Variants in SPATA22 observed in about 807,000 individuals in gnomAD.
SPATA22 encodes spermatogenesis-associated protein 22.
SPATA22 carries 29 observed loss-of-function variants against 47.8 expected under a neutral mutation model. That is an observed-to-expected ratio of 0.61 (90% CI 0.45 to 0.83). The LOEUF is 0.83. Among genes scored for constraint, SPATA22 ranks in the 40% least tolerant of loss-of-function variants. The pLI is 0.00. For missense variants in SPATA22, 410 were observed against 421.7 expected, an observed-to-expected ratio of 0.97 and a Z score of 0.24; for synonymous variants, 133 against 140.9, an observed-to-expected ratio of 0.94 and a Z score of 0.40.
chr17:3,465,067 G>T (rs1334493480), intron 3 of SPATA22, among the ~76,000 whole-genome samples: 2 of 96,202 alleles, frequency 2.1e-5, no homozygotes, highest in African/African-American at 7.7e-5. Context: ...GGAGGGAGGT[G>T]GGGGGTCAGC....
chr17:3,461,074 A>C (rs995439199), intron 5 of SPATA22, among the ~76,000 whole-genome samples: 3 of 152,224 alleles, frequency 2.0e-5, no homozygotes, highest in Non-Finnish European at 4.4e-5. Context: ...ATGCCCCAAG[A>C]AAGTATAGAC....
intron 1 of SPATA22, among the ~76,000 whole-genome samples, chr17:3,477,745 C>T (rs1006746903): frequency 2.4e-4 from 37 of 152,196 alleles, no homozygotes; most frequent in African/African-American, 8.4e-4. Context: ...TGAGCCACCG[C>T]GCTGGGCCGC....
At chr17:3,508,833 T>C (rs1260777592) in intron 1 of SPATA22, among the ~76,000 whole-genome samples, 1 of 140,662 alleles carries the variant, frequency 7.1e-6, no homozygotes, top group Non-Finnish European at 1.5e-5. Context: ...CGCACCAGCA[T>C]GGCACATGTA....
chr17:3,491,668 A>C (rs1448390144), intron 1 of SPATA22, among the ~76,000 whole-genome samples: 7 of 152,016 alleles, frequency 4.6e-5, no homozygotes, highest in Non-Finnish European at 1.0e-4. Context: ...GAATCGCTTG[A>C]ACCAAGGAGG....
intron 3 of SPATA22, among the ~76,000 whole-genome samples, chr17:3,465,826 T>C (rs535166987): frequency 1.3e-5 from 2 of 151,628 alleles, no homozygotes; most frequent in East Asian, 1.9e-4. Flanking sequence ...TGCAGTCCTA[T>C]CTCTTACCCA....
upstream of SPATA22, among the ~76,000 whole-genome samples, chr17:3,475,172 A>G (rs944346823): frequency 6.6e-6 from 1 of 152,222 alleles, no homozygotes; most frequent in East Asian, 1.9e-4. Flanking sequence ...CATGAAATCA[A>G]ATCAGATTTG....
chr17:3,492,364 T>A (rs2073839557), intron 1 of SPATA22, among the ~76,000 whole-genome samples: 1 of 152,196 alleles, frequency 6.6e-6, no homozygotes, highest in Non-Finnish European at 1.5e-5. Context: ...TCCTTTGTGT[T>A]CTATCAGTTT....
At chr17:3,479,803 C>T (rs1390415177) in intron 1 of SPATA22, among the ~76,000 whole-genome samples, 1 of 152,028 alleles carries the variant, frequency 6.6e-6, no homozygotes, top group Non-Finnish European at 1.5e-5. Context: ...CTTGAAGATA[C>T]TAGCAAAAAT....
intron 6 of SPATA22, among the ~76,000 whole-genome samples, chr17:3,447,606 G>C (rs1055587911): frequency 6.6e-5 from 10 of 152,088 alleles, no homozygotes; most frequent in Admixed American, 6.6e-4. Context: ...TTACCCCGAT[G>C]GCTTTTTGAA....
intron 1 of SPATA22, 73 bp downstream of exon 1, chr17:3,471,609 C>A (rs1258969912): frequency 1.0e-6 from 1 of 985,212 alleles, no homozygotes; most frequent in Non-Finnish European, 1.2e-6. Context: ...AGGCTCCAGT[C>A]CGAGTTGAGA....
rs935301962 is a variant in SPATA22 at position 3,489,516 on chromosome 17, A to G, written c.-73-20118T>C. ...ACACATTCAAGAAAAGCAGCTGCCAAATAAAGACTCCACATTAAATCCTTA... is the reference window on the plus strand; with the variant it reads ...ACACATTCAAGAAAAGCAGCTGCCAGATAAAGACTCCACATTAAATCCTTA... On this transcript the variant is annotated intron_variant, in intron 1 of 8. Transcript: ENST00000541913. 3.9e-5 allele frequency among the ~76,000 whole-genome samples: 6 copies of G among 152,304 alleles called. No homozygotes were observed. The South Asian group carries it at 8.3e-4, about 21-fold the overall frequency.
intron 5 of SPATA22, among the ~76,000 whole-genome samples, chr17:3,449,358 T>C (rs1029044848): frequency 6.6e-6 from 1 of 152,184 alleles, no homozygotes; most frequent in Non-Finnish European, 1.5e-5. Flanking sequence ...TAATGAGGAA[T>C]TAACTTGTCC....
chr17:3,471,463 G>T (rs1381585907), intron 1 of SPATA22: 10 of 985,298 alleles, frequency 1.0e-5, no homozygotes, highest in Non-Finnish European at 1.2e-5. Context: ...GACCTAAGTG[G>T]CGTTAGTAAT....
intron 1 of SPATA22, among the ~76,000 whole-genome samples, chr17:3,492,940 A>G (rs1414071729): frequency 6.6e-6 from 1 of 152,222 alleles, no homozygotes; most frequent in African/African-American, 2.4e-5. Flanking sequence ...GTTTGAAGCC[A>G]CTAAATTCTG....
At chr17:3,456,492 A>C (rs1368155401) in intron 5 of SPATA22, among the ~76,000 whole-genome samples, 1 of 150,946 alleles carries the variant, frequency 6.6e-6, no homozygotes, top group Admixed American at 6.6e-5. Context: ...CCCAAGACTA[A>C]ACCAGGAAGA....
intron 3 of SPATA22, among the ~76,000 whole-genome samples, chr17:3,464,098 A>C (rs2073207966): frequency 1.3e-5 from 2 of 150,986 alleles, no homozygotes; most frequent in Non-Finnish European, 1.5e-5. Context: ...CTCCTGCCTC[A>C]CCCTGCCGAG....
At chr17:3,469,852 T>C (rs1429261771) in intron 1 of SPATA22, among the ~76,000 whole-genome samples, 1 of 152,116 alleles carries the variant, frequency 6.6e-6, no homozygotes, top group Non-Finnish European at 1.5e-5. Flanking sequence ...GCCTGGATTA[T>C]ATAATATCAA....
intron 1 of SPATA22, chr17:3,500,539 G>A (rs2073977409): frequency 6.6e-6 from 1 of 151,974 alleles, no homozygotes; most frequent in African/African-American, 2.4e-5. Context: ...GTCTTGCTCT[G>A]TCGTCCAGGC....
chr17:3,457,103 G>A (rs562204516), intron 5 of SPATA22, among the ~76,000 whole-genome samples: 6 of 152,222 alleles, frequency 3.9e-5, no homozygotes, highest in African/African-American at 1.2e-4. Context: ...TACTGAATGG[G>A]CAAAAACTGG....
Sources: gnomAD v4.1 joint callset for allele counts (sites outside exome capture counted in the v4.1 genomes callset) on GRCh38, gnomAD v4.1.1 for gene constraint, MANE v1.5 for transcripts, NCBI Gene and HGNC (gene_info 2026-07-23, HGNC 2026-07-21) for gene names.